Variants in DDX27 observed in about 807,000 individuals in gnomAD.
DDX27 encodes the protein DEAD-box helicase 27.
Under a neutral mutation model 99.3 loss-of-function variants are expected in DDX27, and 42 were observed. That is an observed-to-expected ratio of 0.42 (90% CI 0.33 to 0.55). The LOEUF is 0.55. Ranked by LOEUF, DDX27 falls within the 20% of genes least tolerant of loss-of-function variation. The pLI, the probability that DDX27 is intolerant of heterozygous loss-of-function variation, is 0.07. For missense variants in DDX27, 798 were observed against 976.8 expected (o/e 0.82, Z 2.44); for synonymous variants, 329 against 353.8 (o/e 0.93, Z 0.79).
chr20:49,243,369 T>C (rs1055065093), intron 19 of DDX27, among the ~76,000 whole-genome samples: 4 of 152,242 alleles, frequency 2.6e-5, no homozygotes, highest in African/African-American at 4.8e-5. Context: ...CAGCCCAAGG[T>C]TGGGGCAGGG....
rs1980054124 is a variant in DDX27, at chr20:49,230,231, C to T, written c.913C>T (p.Leu305Phe). 1 of 1,613,260 alleles carries T rather than the reference C, an allele frequency of 6.2e-7. No homozygotes were observed. The highest frequency in any genetic ancestry group is 8.5e-7 in the Non-Finnish European group (1 of 1,179,968). Residue 305 changes from leucine (L) to phenylalanine (F), a missense_variant, in exon 9 of 21, where the codon CTT becomes TTT. Leu to Phe is a conservative substitution (Grantham distance 22). Transcript: ENST00000618172. ...GGATGTGAAGTCTCAGGAAGCAGCTCTTCGGGCAGCGCCTGACATCCTCAT... is the reference window on the plus strand; with the variant it reads ...GGATGTGAAGTCTCAGGAAGCAGCTTTTCGGGCAGCGCCTGACATCCTCAT... Reference protein sequence around the residue: ...GLDVKSQEAALRAAPDILIAT... With the variant: ...GLDVKSQEAAFRAAPDILIAT...
intron 2 of DDX27, 67 bp downstream of exon 2, chr20:49,221,665 C>T: frequency 1.4e-6 from 2 of 1,452,248 alleles, no homozygotes; most frequent in Non-Finnish European, 1.9e-6. Context: ...AGTTTCAGGG[C>T]CTAGCCCTGA....
Position 49,242,652 on chromosome 20 carries a change from CAAG to C in DDX27, c.2179_2181del (p.Lys727del). 2 of 1,613,988 alleles carry C rather than the reference CAAG, an allele frequency of 1.2e-6. No homozygotes were observed. The highest frequency in any genetic ancestry group is 1.7e-6 in the Non-Finnish European group (2 of 1,180,032). On this transcript the variant is annotated inframe_deletion, in exon 19 of 21. Coordinates refer to ENST00000618172, the MANE Select transcript of DDX27 (RefSeq NM_017895.8). Reference sequence around the variant, plus strand: ...TTGATGAAGAACTCACCAACACAAGCAAGAAGGCCCTGAAACAGTATCGAGCTG... The same window carrying C: ...TTGATGAAGAACTCACCAACACAAGCAAGGCCCTGAAACAGTATCGAGCTG...
chr20:49,240,024 G>A (rs1294257019), intron 16 of DDX27, among the ~76,000 whole-genome samples: 7 of 152,184 alleles, frequency 4.6e-5, no homozygotes, highest in African/African-American at 1.7e-4. Context: ...AATTCACAGA[G>A]ACAGAAATAG....
intron 18 of DDX27, 101 bp from the exon 19 acceptor site, chr20:49,242,493 C>A: frequency 8.2e-7 from 1 of 1,215,684 alleles, no homozygotes; most frequent in Non-Finnish European, 1.2e-6. Context: ...TCTTTGGATG[C>A]CAGAGTATCC....
intron 19 of DDX27, 67 bp from the exon 20 acceptor site, chr20:49,243,562 G>A: frequency 2.2e-6 from 3 of 1,389,024 alleles, no homozygotes; most frequent in South Asian, 1.2e-5. Context: ...GCTGGGGAGG[G>A]TGGGGGTGAG....
chr20:49,225,676 C>T (rs1037011414), intron 6 of DDX27, among the ~76,000 whole-genome samples: 10 of 151,848 alleles, frequency 6.6e-5, no homozygotes, highest in Admixed American at 4.6e-4. Flanking sequence ...AGGATGGTCT[C>T]GATCTCCTGA....
chr20:49,235,603 A>G (rs1265883092), intron 12 of DDX27: 1 of 156,828 alleles, frequency 6.4e-6, no homozygotes, highest in Admixed American at 6.3e-5. Flanking sequence ...GGGTGCTGAA[A>G]GGTGTTTGTT....
At chr20:49,228,955 C>G in intron 8 of DDX27, 67 bp downstream of exon 8, 1 of 1,424,504 alleles carries the variant, frequency 7.0e-7, no homozygotes, top group Admixed American at 2.5e-5. Flanking sequence ...GGATGTGCCC[C>G]GCCATCTGTT....
intron 19 of DDX27, among the ~76,000 whole-genome samples, chr20:49,243,412 C>T (rs138937403): frequency 3.9e-5 from 6 of 152,268 alleles, no homozygotes; most frequent in Non-Finnish European, 7.4e-5. Flanking sequence ...TGGTATATAC[C>T]TAAGAAGGGC....
At chr20:49,227,955 C>T (rs1288849554) in intron 7 of DDX27, among the ~76,000 whole-genome samples, 1 of 151,774 alleles carries the variant, frequency 6.6e-6, no homozygotes, top group African/African-American at 2.4e-5. Context: ...ATTCTCCTGC[C>T]TCAGCCTCCT....
chr20:49,237,441 A>C (rs1980342706), intron 14 of DDX27, among the ~76,000 whole-genome samples: 1 of 152,228 alleles, frequency 6.6e-6, no homozygotes, highest in Admixed American at 6.5e-5. Context: ...ATGTCTTTTC[A>C]AACCATTTTT....
At chr20:49,242,282 C>CG (rs1203852522) in intron 18 of DDX27, 76 bp downstream of exon 18, 5 of 1,576,200 alleles carry the variant, frequency 3.2e-6, no homozygotes. Flanking sequence ...GGGAGAAAAT[C>CG]TGAGGGATGA....
intron 7 of DDX27, among the ~76,000 whole-genome samples, chr20:49,228,148 CTTT>C (rs112359462): frequency 7.4e-6 from 1 of 134,382 alleles, no homozygotes; most frequent in African/African-American, 2.8e-5. Context: ...TGTATTTTTT[CTTT>C]TTTTTTTTGA....
rs970165161 is a variant in DDX27, at chr20:49,221,498, G to A, written c.140G>A (p.Arg47His). 6 of 1,613,552 alleles carry A rather than the reference G, an allele frequency of 3.7e-6. No homozygotes were observed. Among genetic ancestry groups the A allele is most frequent in the Admixed American group, 1.7e-5 (1 of 59,970 alleles). ...CGACAAAAAGCTTTGGGGAAGAACC[G>A]CAGTGCTGATTTCAACCCTGATTTC... ...GRRQKALGKNRSADFNPDFVF... is the reference protein window; with the variant it reads ...GRRQKALGKNHSADFNPDFVF... The change falls in exon 2 of 21, where the codon CGC (arginine) becomes CAC (histidine). Residue 47 changes from arginine to histidine, a missense_variant. Around this residue, in one of 2 missense-constraint regions of DDX27, gnomAD observed 245 missense variants for 248.8 expected, o/e 0.98. Coordinates refer to ENST00000618172, the MANE Select transcript of DDX27 (RefSeq NM_017895.8).
In DDX27 at chr20:49,230,354, T is replaced by A. The variant is rs778965706; in HGVS notation, c.1031+5T>A. 15 of 1,604,210 alleles carry A rather than the reference T, an allele frequency of 9.4e-6. No individual in the cohort carries two copies. Among genetic ancestry groups the A allele is most frequent in the Non-Finnish European group, 1.1e-5 (13 of 1,179,404 alleles). ...CATCCTGGACGAGGCTGACAGGTGC[T>A]CCTCACAGCCTGGGGCCCAGGGCAC... On this transcript the variant is annotated splice_donor_5th_base_variant and intron_variant, in intron 9 of 20. Coordinates refer to ENST00000618172, the MANE Select transcript of DDX27 (RefSeq NM_017895.8).
intron 14 of DDX27, chr20:49,238,128 C>T (rs938398622): frequency 7.2e-5 from 11 of 152,132 alleles, no homozygotes; most frequent in African/African-American, 2.7e-4. Flanking sequence ...AAGTGATCCT[C>T]CTGCCTCAGC....
intron 7 of DDX27, among the ~76,000 whole-genome samples, chr20:49,228,425 C>T (rs761245031): frequency 4.0e-5 from 6 of 151,134 alleles, no homozygotes; most frequent in East Asian, 3.9e-4. Context: ...CTCCCGCCAC[C>T]ATGCCCAGCT....
At chr20:49,221,054 C>T (rs1384356040) in intron 1 of DDX27, among the ~76,000 whole-genome samples, 4 of 152,266 alleles carry the variant, frequency 2.6e-5, no homozygotes, top group Admixed American at 1.3e-4. Context: ...CTCCCCCTCC[C>T]GGGTTCAGGC....
Sources: allele counts gnomAD v4.1 joint callset (sites outside exome capture counted in the v4.1 genomes callset), GRCh38; gene constraint gnomAD v4.1.1; regional missense constraint gnomAD v4.1.1; transcripts MANE v1.5; gene names NCBI Gene and HGNC (gene_info 2026-07-23, HGNC 2026-07-21).